Variants in CLIC4 observed in about 807,000 individuals in gnomAD.
CLIC4 encodes chloride intracellular channel protein 4.
A neutral mutation model predicts 24.6 loss-of-function variants in CLIC4; 13 were observed. That is an observed-to-expected ratio of 0.53 (90% CI 0.34 to 0.84). CLIC4 has a LOEUF of 0.84. Ranked by LOEUF, CLIC4 falls within the 40% of genes least tolerant of loss-of-function variation. The pLI is 0.01. For missense variants in CLIC4, 227 were observed against 301.7 expected, an observed-to-expected ratio of 0.75 and a Z score of 1.83; for synonymous variants, 104 against 111.3, an observed-to-expected ratio of 0.93 and a Z score of 0.41.
chr1:24,749,097 C>T (rs558648139), intron 1 of CLIC4, among the ~76,000 whole-genome samples: 56 of 151,906 alleles, frequency 3.7e-4, no homozygotes, highest in Non-Finnish European at 6.9e-4. Flanking sequence ...GGCTGTAATC[C>T]CAGCTACTCG....
intron 1 of CLIC4, among the ~76,000 whole-genome samples, chr1:24,748,502 T>TTG (rs1411157901): frequency 2.9e-5 from 4 of 138,870 alleles, no homozygotes; most frequent in Non-Finnish European, 6.3e-5. Flanking sequence ...GTTTTTTGTT[T>TTG]TTTTTTTTTT....
chr1:24,789,405 C>T (rs972113891), intron 1 of CLIC4, among the ~76,000 whole-genome samples: 12 of 152,250 alleles, frequency 7.9e-5, no homozygotes, highest in Non-Finnish European at 1.5e-4. Context: ...ATAATCCCAG[C>T]TATTCGGGAG....
intron 2 of CLIC4, among the ~76,000 whole-genome samples, chr1:24,800,471 G>T (rs555139409): frequency 6.6e-6 from 1 of 150,718 alleles, no homozygotes; most frequent in Non-Finnish European, 1.5e-5. Context: ...CCGGCCAGCC[G>T]CCCCGTCCGG....
In CLIC4 at chr1:24,747,901, G is replaced by A. The variant is rs181659762; in HGVS notation, c.72+2276G>A. Among the ~76,000 whole-genome samples the A allele has an allele frequency of 7.3e-4, 110 of 151,354 alleles. 1 individual carries two copies. The East Asian group carries it at 0.013, about 18-fold the overall frequency. ...AATAGAAAAATTAGCCAGGCATGGTGGTGGGCCCAGCTATTCGGGAGGCTG... is the reference window on the plus strand; with the variant it reads ...AATAGAAAAATTAGCCAGGCATGGTAGTGGGCCCAGCTATTCGGGAGGCTG... On this transcript the variant is annotated intron_variant, in intron 1 of 5. Transcript: ENST00000374379.
rs1384592468 is a variant in CLIC4, at chr1:24,839,986, G to A, written c.542G>A (p.Gly181Asp). 3.1e-6 allele frequency: 5 copies of A among 1,613,994 alleles called. No homozygotes were observed. Among genetic ancestry groups the A allele is most frequent in the East Asian group, 2.2e-5 (1 of 44,886 alleles). ...IKFSTRKFLD[G>D]NEMTLADCNL... ...TTTTCTACACGTAAATTTCTGGATGGCAATGAAATGACATTAGCTGATTGC... is the reference window on the plus strand; with the variant it reads ...TTTTCTACACGTAAATTTCTGGATGACAATGAAATGACATTAGCTGATTGC... Residue 181 changes from glycine (G) to aspartate (D), a missense_variant, in exon 5 of 6, where the codon GGC becomes GAC. Gly to Asp is a moderately conservative substitution (Grantham distance 94, BLOSUM62 -1). Coordinates refer to ENST00000374379, the MANE Select transcript of CLIC4 (RefSeq NM_013943.3).
At chr1:24,777,500 C>T (rs753009456) in intron 1 of CLIC4, among the ~76,000 whole-genome samples, 9 of 152,066 alleles carry the variant, frequency 5.9e-5, no homozygotes, top group East Asian at 5.8e-4. Flanking sequence ...GCCGAGATCA[C>T]GCCGCTGCAC....
At chr1:24,767,689 G>C (rs1639018325) in intron 1 of CLIC4, among the ~76,000 whole-genome samples, 1 of 152,070 alleles carries the variant, frequency 6.6e-6, no homozygotes, top group South Asian at 2.1e-4. Context: ...GCTAAAGCTT[G>C]AGAGTCCATT....
At chr1:24,781,331 A>G (rs1178595969) in intron 1 of CLIC4, among the ~76,000 whole-genome samples, 2 of 147,138 alleles carry the variant, frequency 1.4e-5, no homozygotes, top group East Asian at 4.1e-4. Context: ...TTTAGTAGAG[A>G]TGGGGTTTCA....
chr1:24,831,413 A>G (rs1639839469), intron 4 of CLIC4, among the ~76,000 whole-genome samples: 1 of 152,122 alleles, frequency 6.6e-6, no homozygotes, highest in Non-Finnish European at 1.5e-5. Flanking sequence ...TTTGATTTTT[A>G]TATATATAAT....
chr1:24,756,085 C>T (rs955786771), intron 1 of CLIC4, among the ~76,000 whole-genome samples: 5 of 151,494 alleles, frequency 3.3e-5, no homozygotes, highest in Admixed American at 6.6e-5. Context: ...CTGCAAGCTC[C>T]GCCTCCTGGG....
chr1:24,778,250 A>G (rs766448740), intron 1 of CLIC4, among the ~76,000 whole-genome samples: 1 of 152,296 alleles, frequency 6.6e-6, no homozygotes. Flanking sequence ...TGTATGACCT[A>G]TGACAAATTA....
chr1:24,766,477 T>G (rs1042879647), intron 1 of CLIC4, among the ~76,000 whole-genome samples: 40 of 2,520 alleles, frequency 0.016, no homozygotes, highest in African/African-American at 0.031. Context: ...CAGACGGTTT[T>G]TTTTTTTTTT....
chr1:24,754,776 A>C (rs898094411), intron 1 of CLIC4, among the ~76,000 whole-genome samples: 2 of 152,058 alleles, frequency 1.3e-5, no homozygotes, highest in African/African-American at 4.8e-5. Context: ...AAGAAATAAG[A>C]AATAACAATG....
intron 1 of CLIC4, among the ~76,000 whole-genome samples, chr1:24,766,761 C>A (rs140493562): frequency 9.5e-4 from 144 of 151,398 alleles, no homozygotes; most frequent in African/African-American, 3.3e-3. Context: ...CCACCTTGCC[C>A]TCCTGAAGTG....
intron 1 of CLIC4, among the ~76,000 whole-genome samples, chr1:24,749,249 G>T (rs1638745628): frequency 6.6e-6 from 1 of 151,828 alleles, no homozygotes; most frequent in Non-Finnish European, 1.5e-5. Context: ...AAAGAAAGTA[G>T]AGAGGGTGCA....
At chr1:24,783,429 T>C (rs926879532) in intron 1 of CLIC4, among the ~76,000 whole-genome samples, 2 of 152,096 alleles carry the variant, frequency 1.3e-5, no homozygotes, top group Admixed American at 1.3e-4. Flanking sequence ...TGGCCGGTCG[T>C]GGTGGCTCAC....
At chr1:24,820,697 AAGT>A (rs1218249749) in intron 3 of CLIC4, among the ~76,000 whole-genome samples, 1 of 130,742 alleles carries the variant, frequency 7.6e-6, no homozygotes, top group Non-Finnish European at 1.7e-5. Flanking sequence ...ATAAATGGAG[AAGT>A]AGTTTGAATT....
intron 1 of CLIC4, 70 bp downstream of exon 1, chr1:24,745,695 C>G: frequency 2.2e-6 from 3 of 1,345,236 alleles, no homozygotes; most frequent in Non-Finnish European, 3.0e-6. Context: ...GAGCGGCGTC[C>G]CGGGGCTCTC....
At chr1:24,750,669 G>A (rs1396855857) in intron 1 of CLIC4, among the ~76,000 whole-genome samples, 1 of 151,702 alleles carries the variant, frequency 6.6e-6, no homozygotes, top group African/African-American at 2.4e-5. Flanking sequence ...CTGGCCTACT[G>A]CCTGAGTTTC....
Sources: gnomAD v4.1 joint callset for allele counts (sites outside exome capture counted in the v4.1 genomes callset) on GRCh38, gnomAD v4.1.1 for gene constraint, MANE v1.5 for transcripts, NCBI Gene and HGNC (gene_info 2026-07-23, HGNC 2026-07-21) for gene names.